Variants in GREB1L observed in about 807,000 individuals in gnomAD.
The protein encoded by GREB1L is GREB1-like protein.
Under a neutral mutation model 200.8 loss-of-function variants are expected in GREB1L, and 17 were observed. The ratio of observed to expected loss-of-function variants is 0.08; its 90% CI spans 0.06 to 0.13. The LOEUF is 0.13. Among genes scored for constraint, GREB1L ranks in the 10% least tolerant of loss-of-function variants. The pLI is 1.00. For missense variants in GREB1L, 1,657 were observed against 2,367.7 expected, an observed-to-expected ratio of 0.70 and a Z score of 6.23; for synonymous variants, 789 against 893.0, an observed-to-expected ratio of 0.88 and a Z score of 2.08.
chr18:21,355,101 C>T (rs2039484576), intron 1 of GREB1L, among the ~76,000 whole-genome samples: 1 of 152,108 alleles, frequency 6.6e-6, no homozygotes, highest in African/African-American at 2.4e-5. Flanking sequence ...AGCATGGTGA[C>T]TGCCTTCCCT....
chr18:21,256,184 A>G (rs2037795818), intron 1 of GREB1L, among the ~76,000 whole-genome samples: 1 of 152,234 alleles, frequency 6.6e-6, no homozygotes, highest in Non-Finnish European at 1.5e-5. Context: ...TTCTGAAGCC[A>G]TAGTTGACAA....
intron 17 of GREB1L, among the ~76,000 whole-genome samples, chr18:21,480,577 A>T (rs1472612271): frequency 6.6e-6 from 1 of 152,232 alleles, no homozygotes; most frequent in East Asian, 1.9e-4. Context: ...CATGTAAGGG[A>T]GAAGCTCCTG....
Position 21,515,544 on chromosome 18 carries a change from A to C in GREB1L, c.5029A>C (p.Thr1677Pro). 6.4e-7 allele frequency: 1 copy of C among 1,551,654 alleles called. No homozygotes were observed. Among genetic ancestry groups the C allele is most frequent in the South Asian group, 1.2e-5 (1 of 84,054 alleles). The change falls in exon 29 of 33, where the codon ACT (threonine) becomes CCT (proline). Residue 1677 changes from threonine to proline, a missense_variant. Thr to Pro is a conservative substitution (Grantham distance 38). Around this residue, in one of 9 missense-constraint regions of GREB1L, gnomAD observed 151 missense variants for 309.6 expected, o/e 0.49. Coordinates refer to ENST00000424526, the MANE Select transcript of GREB1L (RefSeq NM_001142966.3). ...LGIQKWSSKL[T>P]SQSLKAPFSR... ...CATACAGAAATGGAGCAGCAAGCTG[A>C]CTTCTCAGAGCCTAAAGGCCCCATT...
intron 1 of GREB1L, among the ~76,000 whole-genome samples, chr18:21,291,367 C>G (rs139047946): frequency 6.6e-6 from 1 of 152,164 alleles, no homozygotes; most frequent in Non-Finnish European, 1.5e-5. Context: ...TTCCCTGACT[C>G]GCTATCTACC....
At chr18:21,502,263 A>G (rs553944531) in intron 23 of GREB1L, among the ~76,000 whole-genome samples, 74 of 151,912 alleles carry the variant, frequency 4.9e-4, no homozygotes, top group Middle Eastern at 3.4e-3. Context: ...AAAAAAAAAA[A>G]AAGAAGAAGA....
At chr18:21,380,183 C>T (rs1315221946) in intron 2 of GREB1L, 1 of 152,188 alleles carries the variant, frequency 6.6e-6, no homozygotes, top group Non-Finnish European at 1.5e-5. Context: ...ATACTACGCA[C>T]TGCCACCAGG....
intron 7 of GREB1L, among the ~76,000 whole-genome samples, chr18:21,405,663 T>C (rs917769709): frequency 3.3e-5 from 5 of 152,074 alleles, no homozygotes; most frequent in African/African-American, 1.2e-4. Flanking sequence ...TAGCTGGGCA[T>C]GGTGGCATGC....
chr18:21,380,365 A>G (rs2040251357), intron 2 of GREB1L: 1 of 152,208 alleles, frequency 6.6e-6, no homozygotes, highest in Admixed American at 6.5e-5. Flanking sequence ...TTTCCTGATG[A>G]ACACTGATGC....
intron 4 of GREB1L, among the ~76,000 whole-genome samples, chr18:21,385,134 T>C (rs1286908896): frequency 6.6e-6 from 1 of 152,172 alleles, no homozygotes; most frequent in African/African-American, 2.4e-5. Flanking sequence ...AATTAGTTCA[T>C]GAATAATACT....
intron 1 of GREB1L, among the ~76,000 whole-genome samples, chr18:21,343,816 A>G (rs2039303543): frequency 6.7e-6 from 1 of 150,218 alleles, no homozygotes; most frequent in Non-Finnish European, 1.5e-5. Flanking sequence ...GCTCAGTGCA[A>G]CCTCTGCCTC....
Position 21,477,047 on chromosome 18 carries a change from C to T in GREB1L, c.2364-117C>T, listed in dbSNP as rs1392352259. The T allele has an allele frequency of 9.3e-6, 6 of 641,758 alleles. No individual in the cohort carries two copies. In the East Asian group the frequency reaches 1.2e-4, roughly 13 times the overall value. 39.8% of individuals were successfully genotyped at this position (641,758 alleles called of 1,614,324 possible). ...TCAAATTTTAGTTGTTTCTTCTCTG[C>T]TCCCAATTGAAAAGAGATAGAAAAA... is the stretch of plus-strand genomic sequence containing the variant. On this transcript the variant is annotated intron_variant, in intron 16 of 32. Coordinates refer to ENST00000424526, the MANE Select transcript of GREB1L (RefSeq NM_001142966.3).
intron 15 of GREB1L, among the ~76,000 whole-genome samples, chr18:21,470,015 A>T (rs1284050922): frequency 6.6e-6 from 1 of 152,172 alleles, no homozygotes; most frequent in Non-Finnish European, 1.5e-5. Context: ...CTGTTGGGCT[A>T]GGATCATGCC....
intron 1 of GREB1L, among the ~76,000 whole-genome samples, chr18:21,268,560 C>CACACACACATAT (rs1204514384): frequency 5.8e-4 from 37 of 63,532 alleles, no homozygotes; most frequent in Non-Finnish European, 9.7e-4. Flanking sequence ...CACACACACA[C>CACACACACATAT]ATATATATAT....
At chr18:21,463,134 C>CTTTTTTT (rs11355874) in intron 15 of GREB1L, among the ~76,000 whole-genome samples, 4 of 55,684 alleles carry the variant, frequency 7.2e-5, no homozygotes, top group South Asian at 1.2e-3. Context: ...CTTAATGGTT[C>CTTTTTTT]TTTTTTTTTT....
intron 1 of GREB1L, among the ~76,000 whole-genome samples, chr18:21,352,314 G>A (rs2039445590): frequency 6.6e-6 from 1 of 151,996 alleles, no homozygotes; most frequent in Non-Finnish European, 1.5e-5. Flanking sequence ...ATGTGAAAAG[G>A]TATTACTTGT....
chr18:21,314,371 C>T (rs1259763939), intron 1 of GREB1L, among the ~76,000 whole-genome samples: 2 of 151,978 alleles, frequency 1.3e-5, no homozygotes, highest in African/African-American at 4.8e-5. Context: ...TTCACAGTTT[C>T]CACACTTTCA....
Position 21,520,667 on chromosome 18 carries a change from ATTTTTGC to A in GREB1L, c.5473-18_5473-12del, listed in dbSNP as rs1568083174. On this transcript the variant is annotated splice_polypyrimidine_tract_variant and intron_variant, in intron 31 of 32. Coordinates refer to ENST00000424526, the MANE Select transcript of GREB1L (RefSeq NM_001142966.3). ...TGCTTGCTCTTGAAATGCCCATGCT[ATTTTTGC>A]TTGATGATTTCAGGTGGCCATATGC... 3 of 1,551,316 alleles carry A rather than the reference ATTTTTGC, an allele frequency of 1.9e-6. No homozygotes were observed. The highest frequency in any genetic ancestry group is 2.0e-5 in the Admixed American group (1 of 50,984).
At chr18:21,501,192 C>A (rs1211333501) in intron 23 of GREB1L, among the ~76,000 whole-genome samples, 1 of 151,214 alleles carries the variant, frequency 6.6e-6, no homozygotes, top group African/African-American at 2.4e-5. Flanking sequence ...CTACTTTTAG[C>A]CTCTTTACAA....
intron 1 of GREB1L, among the ~76,000 whole-genome samples, chr18:21,322,048 G>C (rs2038959405): frequency 6.6e-6 from 1 of 152,032 alleles, no homozygotes; most frequent in South Asian, 2.1e-4. Flanking sequence ...ATAAGGAGGA[G>C]GTGAAATTAT....
Sources: allele counts gnomAD v4.1 joint callset (sites outside exome capture counted in the v4.1 genomes callset), GRCh38; gene constraint gnomAD v4.1.1; regional missense constraint gnomAD v4.1.1; transcripts MANE v1.5; gene names NCBI Gene and HGNC (gene_info 2026-07-23, HGNC 2026-07-21).